Variants in RAB3C observed in about 807,000 individuals in gnomAD.
RAB3C encodes RAB3C, member RAS oncogene family.
Under a neutral mutation model 26.4 loss-of-function variants are expected in RAB3C, and 17 were observed. The ratio of observed to expected loss-of-function variants is 0.64; its 90% CI spans 0.44 to 0.97. RAB3C has a LOEUF of 0.97. Among genes scored for constraint, RAB3C ranks in the 50% least tolerant of loss-of-function variants. The probability of loss-of-function intolerance (pLI) is 0.00; values close to 1 mark genes in which losing one functional copy is unlikely to be tolerated. For missense variants in RAB3C, 242 were observed against 281.9 expected (o/e 0.86, Z 1.01); for synonymous variants, 91 against 95.9 (o/e 0.95, Z 0.30).
At chr5:58,797,339 CA>C (rs1206716376) in intron 3 of RAB3C, among the ~76,000 whole-genome samples, 2,613 of 12,474 alleles carry the variant, frequency 0.21, 199 homozygotes, top group African/African-American at 0.42. Context: ...CCCTGGAAGA[CA>C]AAAAAAAAAA....
At chr5:58,737,314 T>C (rs1477514780) in intron 3 of RAB3C, among the ~76,000 whole-genome samples, 1 of 148,912 alleles carries the variant, frequency 6.7e-6, no homozygotes, top group African/African-American at 2.5e-5. Context: ...CCCACCCTAT[T>C]TCATATTGCA....
intron 3 of RAB3C, among the ~76,000 whole-genome samples, chr5:58,793,719 G>A (rs555872815): frequency 6.6e-6 from 1 of 152,168 alleles, no homozygotes; most frequent in African/African-American, 2.4e-5. Context: ...TCTCTGGAGA[G>A]ACTCACTAAG....
intron 3 of RAB3C, among the ~76,000 whole-genome samples, chr5:58,737,678 A>G (rs1215282341): frequency 1.3e-5 from 2 of 151,888 alleles, no homozygotes; most frequent in Non-Finnish European, 2.9e-5. Context: ...ATAGTCTAGC[A>G]TAGGCCCAGG....
intron 3 of RAB3C, among the ~76,000 whole-genome samples, chr5:58,782,370 C>A (rs72762121): frequency 0.058 from 8,780 of 152,168 alleles, 341 homozygotes; most frequent in Non-Finnish European, 0.082. Context: ...CCTCTAAGAG[C>A]CTTAAACCAA....
chr5:58,733,349 T>C (rs1741066637), intron 3 of RAB3C, among the ~76,000 whole-genome samples: 1 of 152,168 alleles, frequency 6.6e-6, no homozygotes, highest in African/African-American at 2.4e-5. Context: ...ATCACAGGGA[T>C]GTTAGATGGC....
intron 3 of RAB3C, among the ~76,000 whole-genome samples, chr5:58,745,661 T>C (rs1741388386): frequency 6.6e-6 from 1 of 152,172 alleles, no homozygotes; most frequent in Admixed American, 6.5e-5. Context: ...AGGTATTTAT[T>C]AAATGTTAGT....
chr5:58,605,509 C>T (rs930545281), intron 1 of RAB3C, among the ~76,000 whole-genome samples: 5 of 152,188 alleles, frequency 3.3e-5, no homozygotes, highest in African/African-American at 7.2e-5. Context: ...CAGGGCAAAT[C>T]ACTGCCCCTT....
intron 2 of RAB3C, among the ~76,000 whole-genome samples, chr5:58,685,541 A>T (rs563589472): frequency 6.6e-6 from 1 of 152,172 alleles, no homozygotes; most frequent in Non-Finnish European, 1.5e-5. Flanking sequence ...CCCAAATAAG[A>T]CCACATATTC....
intron 4 of RAB3C, among the ~76,000 whole-genome samples, chr5:58,837,049 T>C (rs376181921): frequency 2.6e-5 from 4 of 152,218 alleles, no homozygotes; most frequent in African/African-American, 7.2e-5. Context: ...CATTTGTTAT[T>C]TTTTGTGTTT....
intron 2 of RAB3C, among the ~76,000 whole-genome samples, chr5:58,666,083 T>C (rs778873346): frequency 5.9e-5 from 9 of 152,188 alleles, no homozygotes; most frequent in Non-Finnish European, 1.0e-4. Flanking sequence ...TGATGGGCTG[T>C]ACTATATTTT....
intron 2 of RAB3C, among the ~76,000 whole-genome samples, chr5:58,693,336 G>GTGTA (rs1554048065): frequency 1.8e-5 from 2 of 111,774 alleles, no homozygotes; most frequent in African/African-American, 7.5e-5. Context: ...ATATATATGT[G>GTGTA]TATATATATA....
At chr5:58,715,925 G>C (rs1450472326) in intron 2 of RAB3C, among the ~76,000 whole-genome samples, 3 of 151,610 alleles carry the variant, frequency 2.0e-5, no homozygotes, top group Non-Finnish European at 4.4e-5. Context: ...TAAGGGGTTA[G>C]TTACATATGT....
chr5:58,776,523 C>A (rs755637508), intron 3 of RAB3C, among the ~76,000 whole-genome samples: 1 of 152,052 alleles, frequency 6.6e-6, no homozygotes, highest in Non-Finnish European at 1.5e-5. Flanking sequence ...ATCTCTTGAC[C>A]ACCTGGGTGC....
chr5:58,703,287 A>G (rs1273807096), intron 2 of RAB3C, among the ~76,000 whole-genome samples: 1 of 151,806 alleles, frequency 6.6e-6, no homozygotes, highest in Admixed American at 6.6e-5. Context: ...GATTCAAGCG[A>G]TTTTCCTGCT....
intron 1 of RAB3C, among the ~76,000 whole-genome samples, chr5:58,590,715 G>A (rs780374580): frequency 6.6e-5 from 10 of 151,856 alleles, no homozygotes; most frequent in Non-Finnish European, 1.2e-4. Flanking sequence ...GCTAATTTTT[G>A]CATTTTTCGT....
chr5:58,737,761 A>G (rs1205856050), intron 3 of RAB3C, among the ~76,000 whole-genome samples: 1 of 152,168 alleles, frequency 6.6e-6, no homozygotes, highest in Non-Finnish European at 1.5e-5. Context: ...GTATCAGATC[A>G]TTATGATGAA....
At chr5:58,652,044 A>G (rs545482979) in intron 2 of RAB3C, among the ~76,000 whole-genome samples, 1 of 152,066 alleles carries the variant, frequency 6.6e-6, no homozygotes, top group African/African-American at 2.4e-5. Flanking sequence ...GTTTGAATCC[A>G]TGTTTGCAGA....
In RAB3C at chr5:58,681,416, A is replaced by C. The variant is rs143758133; in HGVS notation, c.253-44586A>C. On this transcript the variant is annotated intron_variant, in intron 2 of 4. Transcript: ENST00000282878. Reference sequence around the variant, plus strand: ...GGAAAATTGGACAGGCAATTACGCCAGAGGAAAATTTGTATTGTGATGAAG... The same window carrying C: ...GGAAAATTGGACAGGCAATTACGCCCGAGGAAAATTTGTATTGTGATGAAG... Among the ~76,000 whole-genome samples the C allele has an allele frequency of 1.9e-3, 290 of 152,376 alleles. 1 individual carries two copies. Among genetic ancestry groups the C allele is most frequent in the African/African-American group, 6.6e-3 (274 of 41,594 alleles).
At chr5:58,797,061 GAGA>G (rs1742672675) in intron 3 of RAB3C, among the ~76,000 whole-genome samples, 1 of 151,592 alleles carries the variant, frequency 6.6e-6, no homozygotes, top group Non-Finnish European at 1.5e-5. Flanking sequence ...GTAGTATTGT[GAGA>G]AGCAGGTGGT....
Sources: allele counts gnomAD v4.1 joint callset (sites outside exome capture counted in the v4.1 genomes callset), GRCh38; gene constraint gnomAD v4.1.1; transcripts MANE v1.5; gene names NCBI Gene and HGNC (gene_info 2026-07-23, HGNC 2026-07-21).